The following VDR variants were observed in gnomAD, a reference collection of about 807,000 sequenced individuals.
The protein encoded by VDR is vitamin D receptor.
A neutral mutation model predicts 39.7 loss-of-function variants in VDR; 19 were observed. The observed-to-expected ratio is 0.48, with a 90% CI of 0.33 to 0.70. The LOEUF (loss-of-function observed/expected upper bound fraction) is 0.70, where lower values mean the gene tolerates loss of function less well. VDR is among the 30% of genes least tolerant of loss of function. VDR has a pLI of 0.02. For missense variants in VDR, 442 were observed against 570.5 expected, an observed-to-expected ratio of 0.77 and a Z score of 2.29; for synonymous variants, 242 against 215.8, an observed-to-expected ratio of 1.12 and a Z score of -1.07.
intron 4 of VDR, among the ~76,000 whole-genome samples, chr12:47,858,669 T>C (rs957222838): frequency 6.6e-6 from 1 of 152,266 alleles, no homozygotes; most frequent in Non-Finnish European, 1.5e-5. Context: ...TGTGGCTTGC[T>C]GAGTGCTGAC....
intron 1 of VDR, among the ~76,000 whole-genome samples, chr12:47,891,266 G>A (rs903173982): frequency 1.3e-5 from 2 of 152,164 alleles, no homozygotes; most frequent in African/African-American, 2.4e-5. Context: ...GATAATACCT[G>A]AGTCTCAGTT....
At chr12:47,885,269 T>G (rs1395338369) in intron 1 of VDR, among the ~76,000 whole-genome samples, 1 of 152,152 alleles carries the variant, frequency 6.6e-6, no homozygotes, top group Non-Finnish European at 1.5e-5. Flanking sequence ...GCATCCCACA[T>G]CAAAAACCCT....
At chr12:47,866,463 A>G (rs1335550722) in intron 3 of VDR, among the ~76,000 whole-genome samples, 1 of 152,240 alleles carries the variant, frequency 6.6e-6, no homozygotes, top group African/African-American at 2.4e-5. Flanking sequence ...AGCCGCTATG[A>G]GAAGTAAGGA....
In VDR at chr12:47,842,623, A is replaced by ATTTTTTTTTT. The variant is rs17878969; in HGVS notation, c.*2113_*2122dup. On this transcript the variant is annotated 3_prime_UTR_variant, in exon 10 of 10. Transcript: ENST00000549336. ...CAGGCTTGCGCCACCATGCCCGGCTATTTTTTTTTTTTTTTTTTTTGTATT... is the reference window on the plus strand; with the variant it reads ...CAGGCTTGCGCCACCATGCCCGGCTATTTTTTTTTTTTTTTTTTTTTTTTTTTTTTGTATT... 4.6e-5 allele frequency: 6 copies of ATTTTTTTTTT among 131,074 alleles called. No individual in the cohort carries two copies. Among genetic ancestry groups the ATTTTTTTTTT allele is most frequent in the African/African-American group, 1.5e-4 (5 of 33,822 alleles). 8.1% of individuals were successfully genotyped at this position (131,074 alleles called of 1,614,324 possible).
intron 3 of VDR, among the ~76,000 whole-genome samples, chr12:47,877,180 G>C (rs1462155768): frequency 6.6e-6 from 1 of 152,122 alleles, no homozygotes; most frequent in East Asian, 1.9e-4. Context: ...GAGCCCAGGA[G>C]TTTGAGACCA....
chr12:47,848,897 TG>T (rs1229915145), intron 7 of VDR, among the ~76,000 whole-genome samples: 3 of 152,158 alleles, frequency 2.0e-5, no homozygotes, highest in Non-Finnish European at 4.4e-5. Context: ...GTAAGTTACT[TG>T]GGGGCCAGCA....
rs188299120 is a variant in VDR at position 47,882,695 on chromosome 12, T to C, written c.-4A>G. On this transcript the variant is annotated splice_region_variant and 5_prime_UTR_variant, in exon 2 of 10. Transcript: ENST00000549336. ...TGCGGCTGATGAGGAAACACCTACC[T>C]GAAGGAGCAGGGGGCAGGTAAGTGG... 1 of 1,290,798 alleles carries C rather than the reference T, an allele frequency of 7.7e-7. No individual in the cohort carries two copies. The highest frequency in any genetic ancestry group is 1.7e-5 in the African/African-American group (1 of 57,496). 80.0% of individuals were successfully genotyped at this position (1,290,798 alleles called of 1,614,324 possible).
chr12:47,892,544 G>T (rs1325516701), intron 1 of VDR, among the ~76,000 whole-genome samples: 1 of 152,192 alleles, frequency 6.6e-6, no homozygotes, highest in Non-Finnish European at 1.5e-5. Flanking sequence ...TTTCTTCTTG[G>T]CCTCACACTG....
intron 7 of VDR, among the ~76,000 whole-genome samples, chr12:47,848,110 G>C (rs992803512): frequency 2.0e-5 from 3 of 152,134 alleles, no homozygotes; most frequent in Non-Finnish European, 4.4e-5. Flanking sequence ...CACAGTGTTA[G>C]CCAGGATGGT....
chr12:47,872,105 A>G (rs1483333749), intron 3 of VDR, among the ~76,000 whole-genome samples: 2 of 152,250 alleles, frequency 1.3e-5, no homozygotes, highest in African/African-American at 4.8e-5. Context: ...CGTTACATTT[A>G]AAAAATCCAC....
At position 47,844,957 on chromosome 12, in the gene VDR, C is replaced by G; in HGVS notation, c.1073G>C (p.Arg358Pro). 1 of 1,613,930 alleles carries G rather than the reference C, an allele frequency of 6.2e-7. No individual in the cohort carries two copies. The highest frequency in any genetic ancestry group is 2.2e-5 in the East Asian group (1 of 44,870). The change falls in exon 10 of 10, where the codon CGC (arginine) becomes CCC (proline). Residue 358 changes from arginine to proline, a missense_variant. Arg to Pro is a moderately radical substitution (Grantham distance 103). Around this residue, in one of 5 missense-constraint regions of VDR, gnomAD observed 173 missense variants for 252.0 expected, o/e 0.69. Coordinates refer to ENST00000549336, the MANE Select transcript of VDR (RefSeq NM_000376.3). Reference sequence around the variant, plus strand: ...GTACGTCTGCAGTGTGTTGGACAGGCGGTCCTGGATGGCCTCAATCAGCGC... The same window carrying G: ...GTACGTCTGCAGTGTGTTGGACAGGGGGTCCTGGATGGCCTCAATCAGCGC... ...DAALIEAIQD[R>P]LSNTLQTYIR...
intron 4 of VDR, among the ~76,000 whole-genome samples, chr12:47,860,602 T>A (rs770815309): frequency 6.6e-6 from 1 of 152,216 alleles, no homozygotes; most frequent in Non-Finnish European, 1.5e-5. Context: ...TTCAGAGGTA[T>A]CATTCTGAAT....
chr12:47,858,469 A>C (rs1010797089), intron 4 of VDR, among the ~76,000 whole-genome samples: 7 of 152,328 alleles, frequency 4.6e-5, no homozygotes, highest in African/African-American at 1.7e-4. Context: ...AAGGCCCCAA[A>C]GGGTGAGGCC....
At chr12:47,856,689 G>A (rs1945496039) in intron 6 of VDR, among the ~76,000 whole-genome samples, 1 of 151,900 alleles carries the variant, frequency 6.6e-6, no homozygotes, top group Non-Finnish European at 1.5e-5. Flanking sequence ...GAGCTGGAGG[G>A]GACAGGTCCT....
chr12:47,895,862 G>A (rs1285568667), intron 1 of VDR, among the ~76,000 whole-genome samples: 1 of 152,266 alleles, frequency 6.6e-6, no homozygotes, highest in East Asian at 1.9e-4. Flanking sequence ...TGGGCCGAGA[G>A]GGGCTGCTCC....
At chr12:47,866,253 G>A (rs1035982055) in intron 3 of VDR, among the ~76,000 whole-genome samples, 1 of 151,660 alleles carries the variant, frequency 6.6e-6, no homozygotes, top group Non-Finnish European at 1.5e-5. Flanking sequence ...GACTACAGGC[G>A]CCCACCACCG....
At chr12:47,868,652 G>A (rs1230606298) in intron 3 of VDR, among the ~76,000 whole-genome samples, 3 of 152,130 alleles carry the variant, frequency 2.0e-5, no homozygotes, top group Admixed American at 2.0e-4. Context: ...CACCAACCTT[G>A]TGGTTCTTGA....
intron 1 of VDR, among the ~76,000 whole-genome samples, chr12:47,897,788 A>C (rs1946488642): frequency 6.6e-6 from 1 of 152,186 alleles, no homozygotes; most frequent in South Asian, 2.1e-4. Flanking sequence ...AAGGCCAAAG[A>C]ACAAGGCCAG....
chr12:47,872,655 G>C (rs1422187963), intron 3 of VDR, among the ~76,000 whole-genome samples: 5 of 152,124 alleles, frequency 3.3e-5, no homozygotes, highest in Admixed American at 3.3e-4. Context: ...AGCTCTCTCA[G>C]AGCCCCTGGC....
Sources: allele counts gnomAD v4.1 joint callset (sites outside exome capture counted in the v4.1 genomes callset), GRCh38; gene constraint gnomAD v4.1.1; regional missense constraint gnomAD v4.1.1; transcripts MANE v1.5; gene names NCBI Gene and HGNC (gene_info 2026-07-23, HGNC 2026-07-21).